The following PDGFRL variants were observed in gnomAD, a reference collection of about 807,000 sequenced individuals.
PDGFRL encodes the protein platelet derived growth factor receptor like.
In PDGFRL, 46 loss-of-function variants were observed where a neutral mutation model predicts 37.2. The observed-to-expected ratio is 1.24, with a 90% CI of 0.98 to 1.58. PDGFRL has a LOEUF of 1.58. Among genes scored for constraint, PDGFRL ranks in the 40% most tolerant of loss-of-function variants. The pLI is 0.00. For synonymous variants in PDGFRL, 251 were observed against 184.3 expected, an observed-to-expected ratio of 1.36 and a Z score of -2.93; for missense variants, 692 against 467.6, an observed-to-expected ratio of 1.48 and a Z score of -4.43.
chr8:17,581,868 G>C (rs563752261), intron 1 of PDGFRL, among the ~76,000 whole-genome samples: 1 of 152,092 alleles, frequency 6.6e-6, no homozygotes, highest in Non-Finnish European at 1.5e-5. Flanking sequence ...AATGCGAAAT[G>C]AACTAACACA....
intron 2 of PDGFRL, among the ~76,000 whole-genome samples, chr8:17,611,175 G>T (rs2517208): frequency 0.02 from 2,987 of 152,144 alleles, 71 homozygotes; most frequent in African/African-American, 0.049. Flanking sequence ...GGATGAGTCA[G>T]TTCATCTCTG....
At chr8:17,639,220 T>C (rs1179932189) in intron 5 of PDGFRL, among the ~76,000 whole-genome samples, 2 of 152,190 alleles carry the variant, frequency 1.3e-5, no homozygotes, top group African/African-American at 4.8e-5. Context: ...CATTCTGCCA[T>C]TCTGAATCTT....
intron 1 of PDGFRL, among the ~76,000 whole-genome samples, chr8:17,581,576 C>G (rs1024940435): frequency 6.6e-6 from 1 of 152,020 alleles, no homozygotes; most frequent in Non-Finnish European, 1.5e-5. Context: ...GGGGGTAGAT[C>G]CTTCATGAAG....
In PDGFRL at chr8:17,596,949, T is replaced by C. The variant is rs142765234; in HGVS notation, c.353+7184T>C. 2.6e-3 allele frequency among the ~76,000 whole-genome samples: 396 copies of C among 152,356 alleles called. 2 individuals carry two copies. Among genetic ancestry groups the C allele is most frequent in the African/African-American group, 8.9e-3 (370 of 41,580 alleles). ...TCTTTTTTCCGTAGAATGAGTTCTTTCCAGGGCTATGACAGTGTTGGGTTT... is the reference window on the plus strand; with the variant it reads ...TCTTTTTTCCGTAGAATGAGTTCTTCCCAGGGCTATGACAGTGTTGGGTTT... On this transcript the variant is annotated intron_variant, in intron 2 of 5. Coordinates refer to ENST00000251630, the MANE Select transcript of PDGFRL (RefSeq NM_001372073.1).
intron 4 of PDGFRL, among the ~76,000 whole-genome samples, chr8:17,630,669 G>C (rs1804843386): frequency 6.6e-6 from 1 of 152,188 alleles, no homozygotes. Flanking sequence ...GGGGCACCAG[G>C]TTAGGGGAAG....
intron 1 of PDGFRL, among the ~76,000 whole-genome samples, chr8:17,583,265 T>G (rs1341005780): frequency 1.3e-5 from 2 of 152,088 alleles, no homozygotes; most frequent in Non-Finnish European, 2.9e-5. Flanking sequence ...ACAGGGCTCA[T>G]GTGGGGATCC....
chr8:17,622,949 T>A (rs1242841008), intron 3 of PDGFRL, among the ~76,000 whole-genome samples: 1 of 152,098 alleles, frequency 6.6e-6, no homozygotes, highest in Non-Finnish European at 1.5e-5. Flanking sequence ...TCACTGGGGG[T>A]ATGTTTAGGC....
chr8:17,593,205 G>A (rs1020029841), intron 2 of PDGFRL, among the ~76,000 whole-genome samples: 5 of 151,930 alleles, frequency 3.3e-5, no homozygotes, highest in East Asian at 3.9e-4. Context: ...AAGGGGGAAC[G>A]TATGGATATT....
chr8:17,631,687 T>A (rs1457953553), intron 4 of PDGFRL, among the ~76,000 whole-genome samples: 1 of 152,152 alleles, frequency 6.6e-6, no homozygotes, highest in Non-Finnish European at 1.5e-5. Context: ...ATTGCCAAGG[T>A]ACTCGGGGAC....
chr8:17,633,569 A>G (rs112969631), intron 4 of PDGFRL, among the ~76,000 whole-genome samples: 18 of 152,276 alleles, frequency 1.2e-4, no homozygotes, highest in East Asian at 1.2e-3. Context: ...TAATGAAGAA[A>G]TTTGTTTCTG....
At chr8:17,601,250 G>A (rs1268830583) in intron 2 of PDGFRL, among the ~76,000 whole-genome samples, 1 of 152,120 alleles carries the variant, frequency 6.6e-6, no homozygotes, top group Non-Finnish European at 1.5e-5. Flanking sequence ...ATTCCCTGAT[G>A]TTTTCCTCAC....
chr8:17,597,633 G>C (rs888814404), intron 2 of PDGFRL, among the ~76,000 whole-genome samples: 1 of 152,110 alleles, frequency 6.6e-6, no homozygotes, highest in Non-Finnish European at 1.5e-5. Flanking sequence ...TTATTCATCA[G>C]TGATTTTGGT....
At chr8:17,587,054 C>T (rs190091569) in intron 1 of PDGFRL, among the ~76,000 whole-genome samples, 1 of 152,074 alleles carries the variant, frequency 6.6e-6, no homozygotes. Context: ...TTCTTTTAAA[C>T]AGTTAGACAT....
At chr8:17,605,122 G>C (rs1001088759) in intron 2 of PDGFRL, among the ~76,000 whole-genome samples, 6 of 152,048 alleles carry the variant, frequency 3.9e-5, no homozygotes, top group Admixed American at 2.6e-4. Context: ...GTCCCAGAAA[G>C]AATGAAAGAA....
At chr8:17,597,186 A>G (rs73563767) in intron 2 of PDGFRL, among the ~76,000 whole-genome samples, 21,973 of 151,992 alleles carry the variant, frequency 0.14, 4,260 homozygotes, top group African/African-American at 0.43. Context: ...ACACCTGGCT[A>G]ATTTTTGTAT....
At chr8:17,598,069 C>A (rs1444231302) in intron 2 of PDGFRL, among the ~76,000 whole-genome samples, 1 of 152,172 alleles carries the variant, frequency 6.6e-6, no homozygotes, top group Non-Finnish European at 1.5e-5. Context: ...AACTTGATCT[C>A]ATGGTTCATA....
intron 2 of PDGFRL, among the ~76,000 whole-genome samples, chr8:17,591,427 A>T (rs1803937901): frequency 6.6e-6 from 1 of 152,188 alleles, no homozygotes; most frequent in East Asian, 1.9e-4. Context: ...ACGGGGTTAC[A>T]GTCCTGTGCA....
At chr8:17,594,876 G>C (rs1018028060) in intron 2 of PDGFRL, among the ~76,000 whole-genome samples, 4 of 152,232 alleles carry the variant, frequency 2.6e-5, no homozygotes, top group Middle Eastern at 3.2e-3. Flanking sequence ...TCCAGCGATA[G>C]GCATTTAGGC....
At chr8:17,587,060 G>T (rs1240522748) in intron 1 of PDGFRL, among the ~76,000 whole-genome samples, 1 of 152,160 alleles carries the variant, frequency 6.6e-6, no homozygotes, top group African/African-American at 2.4e-5. Context: ...TAAACAGTTA[G>T]ACATGGGATT....
Sources: allele counts gnomAD v4.1 joint callset (sites outside exome capture counted in the v4.1 genomes callset), GRCh38; gene constraint gnomAD v4.1.1; transcripts MANE v1.5; gene names NCBI Gene and HGNC (gene_info 2026-07-23, HGNC 2026-07-21).